Variants in SNTG2 observed in about 807,000 individuals in gnomAD.
SNTG2 encodes the protein syntrophin gamma 2.
A neutral mutation model predicts 70.9 loss-of-function variants in SNTG2; 74 were observed. The ratio of observed to expected loss-of-function variants is 1.04; its 90% CI spans 0.86 to 1.27. The LOEUF (loss-of-function observed/expected upper bound fraction) is 1.27. SNTG2 is among the 50% of genes most tolerant of loss of function. The pLI, the probability that SNTG2 is intolerant of heterozygous loss-of-function variation, is 0.00. For synonymous variants in SNTG2, 278 were observed against 273.8 expected, an observed-to-expected ratio of 1.02 and a Z score of -0.15; for missense variants, 717 against 690.7, an observed-to-expected ratio of 1.04 and a Z score of -0.43.
At chr2:1,028,960 A>C (rs929292791) in intron 1 of SNTG2, among the ~76,000 whole-genome samples, 2 of 152,154 alleles carry the variant, frequency 1.3e-5, no homozygotes, top group African/African-American at 4.8e-5. Context: ...CTCCAAGAGC[A>C]AAAGCCCTGC....
chr2:1,162,636 G>C (rs1194040620), intron 6 of SNTG2, among the ~76,000 whole-genome samples: 1 of 152,164 alleles, frequency 6.6e-6, no homozygotes, highest in Non-Finnish European at 1.5e-5. Flanking sequence ...AGGGCCTTGT[G>C]AGAGTCCAGC....
rs537750396 is a variant in SNTG2 at position 1,340,439 on chromosome 2, G to T, written c.1488+24064G>T. ...AAGGAGAGATTCTTTTGCAAAGTGGGTCATTTTTCTTTTCCAGGTTCTGTA... is the reference window on the plus strand; with the variant it reads ...AAGGAGAGATTCTTTTGCAAAGTGGTTCATTTTTCTTTTCCAGGTTCTGTA... On this transcript the variant is annotated intron_variant, in intron 16 of 16. Coordinates refer to ENST00000308624, the MANE Select transcript of SNTG2 (RefSeq NM_018968.4). Among the ~76,000 whole-genome samples, 8 of 152,298 alleles carry T rather than the reference G, an allele frequency of 5.3e-5. No individual in the cohort carries two copies. The East Asian group carries it at 1.5e-3, about 29-fold the overall frequency.
chr2:1,246,433 G>A lies in SNTG2; in HGVS notation c.889-894G>A, dbSNP rs542973039. Among the ~76,000 whole-genome samples, 9 of 152,332 alleles carry A rather than the reference G, an allele frequency of 5.9e-5. No individual in the cohort carries two copies. The South Asian group carries it at 1.0e-3, about 18-fold the overall frequency. On this transcript the variant is annotated intron_variant, in intron 11 of 16. Transcript: ENST00000308624. ...CGGCTGTGACGGGACTTACCTGGGC[G>A]GCTCCAGCAGAGGGCACTTCGTGGG...
intron 16 of SNTG2, among the ~76,000 whole-genome samples, chr2:1,330,107 A>T (rs1357017740): frequency 6.6e-6 from 1 of 152,194 alleles, no homozygotes; most frequent in African/African-American, 2.4e-5. Context: ...TTCCGCCATC[A>T]GGCTAGTGGA....
At chr2:1,212,712 G>A (rs1326542315) in intron 9 of SNTG2, among the ~76,000 whole-genome samples, 1 of 152,160 alleles carries the variant, frequency 6.6e-6, no homozygotes, top group Non-Finnish European at 1.5e-5. Context: ...TTTAGAGGCT[G>A]AGATGCTGTT....
At chr2:1,219,254 T>C (rs1388737567) in intron 9 of SNTG2, among the ~76,000 whole-genome samples, 2 of 152,160 alleles carry the variant, frequency 1.3e-5, no homozygotes, top group Non-Finnish European at 2.9e-5. Flanking sequence ...TCCTGAGGCC[T>C]CCCCAGAGTC....
intron 6 of SNTG2, among the ~76,000 whole-genome samples, chr2:1,157,786 G>A (rs916518095): frequency 5.3e-5 from 8 of 152,196 alleles, no homozygotes; most frequent in African/African-American, 1.7e-4. Flanking sequence ...GACTAGAGAT[G>A]TGCTGTAGGA....
At chr2:977,053 C>T (rs573205641) in intron 1 of SNTG2, among the ~76,000 whole-genome samples, 36 of 152,156 alleles carry the variant, frequency 2.4e-4, no homozygotes, top group Non-Finnish European at 5.0e-4. Flanking sequence ...CTCTGCACGG[C>T]CTTCCTAGCT....
intron 6 of SNTG2, among the ~76,000 whole-genome samples, chr2:1,149,297 C>T (rs951200458): frequency 2.6e-5 from 4 of 151,932 alleles, no homozygotes; most frequent in Non-Finnish European, 4.4e-5. Flanking sequence ...GAGGTTGCAG[C>T]TCTGGGAATT....
At chr2:982,493 G>T (rs947498944) in intron 1 of SNTG2, among the ~76,000 whole-genome samples, 4 of 152,140 alleles carry the variant, frequency 2.6e-5, no homozygotes, top group South Asian at 4.1e-4. Context: ...GCTTTTCTAG[G>T]TTTTTTGTGT....
At chr2:1,009,708 G>A (rs892327619) in intron 1 of SNTG2, among the ~76,000 whole-genome samples, 1 of 123,782 alleles carries the variant, frequency 8.1e-6, no homozygotes, top group Non-Finnish European at 1.8e-5. Context: ...GTGTATGGCA[G>A]CCACACCTGT....
chr2:1,146,105 G>A (rs1669084551), intron 6 of SNTG2, among the ~76,000 whole-genome samples: 1 of 152,044 alleles, frequency 6.6e-6, no homozygotes, highest in African/African-American at 2.4e-5. Context: ...ATAGATAATG[G>A]TGAGAAACTA....
chr2:1,257,557 A>C (rs540310694), intron 12 of SNTG2, among the ~76,000 whole-genome samples: 1 of 152,238 alleles, frequency 6.6e-6, no homozygotes, highest in Non-Finnish European at 1.5e-5. Flanking sequence ...TGCGAACAAC[A>C]AAGAGCACAG....
intron 1 of SNTG2, among the ~76,000 whole-genome samples, chr2:1,057,779 A>T (rs774167798): frequency 6.6e-6 from 1 of 151,974 alleles, no homozygotes. Flanking sequence ...ATGCCTCTAA[A>T]TGTGCACAGG....
chr2:1,071,994 C>T (rs575930295), intron 1 of SNTG2, among the ~76,000 whole-genome samples: 77 of 152,164 alleles, frequency 5.1e-4, no homozygotes, highest in African/African-American at 1.8e-3. Flanking sequence ...TGGAAGCTAG[C>T]GGAGGTGGGT....
chr2:1,025,647 A>G (rs1323775023), intron 1 of SNTG2, among the ~76,000 whole-genome samples: 1 of 152,128 alleles, frequency 6.6e-6, no homozygotes. Context: ...CTTCACAGCC[A>G]GCGGTGCAGC....
In SNTG2 at chr2:1,222,017, C is replaced by G. The variant is rs1553362080; in HGVS notation, c.719+12787C>G. Among the ~76,000 whole-genome samples, 92 of 82,258 alleles carry G rather than the reference C, an allele frequency of 1.1e-3. 19 individuals are homozygous for G. The highest frequency in any genetic ancestry group is 2.4e-3 in the Non-Finnish European group (77 of 32,096). The allele number at this position is 82,258 out of a possible 152,430, so 54.0% of individuals were successfully genotyped here. ...TCTGTCTCTGTCTCTCTCTGTCTCT[C>G]TCTGTCTCTGCCTATCTCTGTCTCT... On this transcript the variant is annotated intron_variant, in intron 9 of 16. Coordinates refer to ENST00000308624, the MANE Select transcript of SNTG2 (RefSeq NM_018968.4).
intron 16 of SNTG2, among the ~76,000 whole-genome samples, chr2:1,337,537 T>TTTG (rs761651703): frequency 6.6e-6 from 1 of 152,146 alleles, no homozygotes; most frequent in Non-Finnish European, 1.5e-5. Context: ...CAAGTTGTCT[T>TTTG]TTGTTGTTGT....
At chr2:1,209,278 CT>C (rs1209155119) in intron 9 of SNTG2, 48 bp downstream of exon 9, 1 of 1,610,744 alleles carries the variant, frequency 6.2e-7, no homozygotes, top group Middle Eastern at 1.7e-4. Context: ...ACCCCGTGCA[CT>C]TTTGCCAGTT....
Sources: gnomAD v4.1 joint callset for allele counts (sites outside exome capture counted in the v4.1 genomes callset) on GRCh38, gnomAD v4.1.1 for gene constraint, MANE v1.5 for transcripts, NCBI Gene and HGNC (gene_info 2026-07-23, HGNC 2026-07-21) for gene names.